Variants in ATG9B observed in about 807,000 individuals in gnomAD.
The protein encoded by ATG9B is autophagy related 9B.
Under a neutral mutation model 92.9 loss-of-function variants are expected in ATG9B, and 92 were observed. That is an observed-to-expected ratio of 0.99 (90% CI 0.84 to 1.18). The LOEUF (loss-of-function observed/expected upper bound fraction) is 1.18. Ranked by LOEUF, ATG9B falls within the 50% of genes most tolerant of loss-of-function variation. ATG9B has a pLI of 0.00. For missense variants in ATG9B, 1,344 were observed against 1,235.0 expected, an observed-to-expected ratio of 1.09 and a Z score of -1.32; for synonymous variants, 599 against 551.4, an observed-to-expected ratio of 1.09 and a Z score of -1.21.
At position 151,024,363 on chromosome 7, in the gene ATG9B, C is replaced by A; in HGVS notation, c.61G>T (p.Gly21Trp). Residue 21 changes from glycine to tryptophan, a missense_variant, in exon 1 of 14, where the codon GGG becomes TGG. By Grantham distance (184) the Gly-to-Trp change is radical. Transcript: ENST00000639579. Reference protein sequence around the residue: ...RRRLGRWGDLGPGSVPLLPMP... With the variant: ...RRRLGRWGDLWPGSVPLLPMP... ...GGGAGGAGGGGCACCGATCCGGGCC[C>A]CAGATCTCCCCACCGCCCCAGCCGC... 7.2e-7 allele frequency: 1 copy of A among 1,390,032 alleles called. No individual in the cohort carries two copies. The highest frequency in any genetic ancestry group is 9.4e-7 in the Non-Finnish European group (1 of 1,067,324). The allele number at this position is 1,390,032 out of a possible 1,614,324, so 86.1% of individuals were successfully genotyped here.
chr7:151,013,694 A>G (rs1355553532), downstream of ATG9B: 1 of 929,126 alleles, frequency 1.1e-6, no homozygotes, highest in Non-Finnish European at 1.6e-6. Flanking sequence ...CACCCCCACC[A>G]GGGCCCGCCC....
chr7:151,016,356 T>C lies in ATG9B; in HGVS notation c.2520+75A>G, dbSNP rs562587249. 6 of 1,520,298 alleles carry C rather than the reference T, an allele frequency of 3.9e-6. No homozygotes were observed. In the South Asian group the frequency reaches 7.5e-5, roughly 19 times the overall value. 94.2% of individuals were successfully genotyped at this position (1,520,298 alleles called of 1,614,324 possible). On this transcript the variant is annotated intron_variant, in intron 11 of 13. Coordinates refer to ENST00000639579, the MANE Select transcript of ATG9B (RefSeq NM_001317056.2). ...CACTCTGCTAGACCCTTCCGTAGAC[T>C]CCACCCCACCTCAGTCTCCATGTTG...
chr7:151,014,176 CCTGGCTTT>C (rs1795387603), downstream of ATG9B: 3 of 1,592,524 alleles, frequency 1.9e-6, no homozygotes, highest in South Asian at 2.2e-5. Flanking sequence ...CTGAGAGCCG[CCTGGCTTT>C]CCCTTCCAGT....
Position 151,018,299 on chromosome 7 carries a change from G to C in ATG9B, c.1867C>G (p.Arg623Gly). The change falls in exon 7 of 14, where the codon CGA (arginine) becomes GGA (glycine). Residue 623 changes from arginine (R) to glycine (G), a missense_variant. Physicochemically the swap from Arg to Gly is moderately radical, Grantham distance 125. Coordinates refer to ENST00000639579, the MANE Select transcript of ATG9B (RefSeq NM_001317056.2). The surrounding 1 kb of genome is among the most constrained non-coding windows in gnomAD (Gnocchi z 4.7). ...GCCGTCGCGCCCACCCTCACCGCTC[G>C]GTACTGCAGCAGCTGCGCCATCTGC... ...YRQMAQLLQY[R>G]AVSLLEELLS... is the part of the protein sequence containing the mutation. 6.4e-7 allele frequency: 1 copy of C among 1,554,482 alleles called. No homozygotes were observed. The highest frequency in any genetic ancestry group is 8.6e-7 in the Non-Finnish European group (1 of 1,159,090).
intron 4 of ATG9B, among the ~76,000 whole-genome samples, chr7:151,022,713 A>G (rs1202873704): frequency 6.6e-6 from 1 of 151,786 alleles, no homozygotes; most frequent in African/African-American, 2.4e-5. Flanking sequence ...GTGCACGCCT[A>G]TAATCCCAGC....
At chr7:151,016,976 A>C in intron 9 of ATG9B, 60 bp downstream of exon 9, 1 of 1,523,982 alleles carries the variant, frequency 6.6e-7, no homozygotes, top group Non-Finnish European at 8.9e-7. Context: ...CTAGAGGGGA[A>C]GGGTTTGGAG....
At chr7:151,017,811 C>T (rs1795563074) in intron 8 of ATG9B, 60 bp downstream of exon 8, 4 of 1,491,846 alleles carry the variant, frequency 2.7e-6, no homozygotes, top group Non-Finnish European at 3.6e-6. Context: ...AGGTCTGCTC[C>T]CGAGAGGCAA....
At chr7:151,012,375 C>T (rs745904496), downstream of ATG9B, 17 of 1,581,040 alleles carry the variant, frequency 1.1e-5, no homozygotes, top group Non-Finnish European at 1.4e-5. Flanking sequence ...GGCTGCCACC[C>T]GATCCCAGCT....
In ATG9B at chr7:151,018,224, C is replaced by T; in HGVS notation, c.1872+70G>A. The stretch of plus-strand genomic sequence containing the variant: ...TGCCCTCTCCCAGACAGACCCTCCG[C>T]GCAGACAGACCCTCCGCGCAGACAG... On this transcript the variant is annotated intron_variant, in intron 7 of 13. Transcript: ENST00000639579. This position sits in a 1 kb window ranked among gnomAD's most constrained non-coding sequence, Gnocchi z 4.7. The T allele has an allele frequency of 2.0e-6, 3 of 1,488,056 alleles. No homozygotes were observed. In the South Asian group the frequency reaches 4.0e-5, roughly 20 times the overall value. The allele number at this position is 1,488,056 out of a possible 1,614,324, so 92.2% of individuals were successfully genotyped here.
chr7:151,016,183 A>G lies in ATG9B; in HGVS notation c.2573T>C (p.Ile858Thr), dbSNP rs1316292188. ...QEPWGEAAAS[I>T]LSRPCSSPSQ... The stretch of plus-strand genomic sequence containing the variant: ...GGGGCTGGAGCAGGGCCTGGACAGG[A>G]TGGAGGCTGCAGCCTCACCCCACGG... The change falls in exon 12 of 14, where the codon ATC becomes ACC. Residue 858 changes from isoleucine (I) to threonine (T), a missense_variant. Physicochemically the swap from Ile to Thr is moderately conservative, Grantham distance 89. Coordinates refer to ENST00000639579, the MANE Select transcript of ATG9B (RefSeq NM_001317056.2). 2 of 1,527,908 alleles carry G rather than the reference A, an allele frequency of 1.3e-6. No homozygotes were observed. Among genetic ancestry groups the G allele is most frequent in the African/African-American group, 1.4e-5 (1 of 72,436 alleles). The allele number at this position is 1,527,908 out of a possible 1,614,324, so 94.6% of individuals were successfully genotyped here.
Position 151,018,002 on chromosome 7 carries a change from G to A in ATG9B, c.1921C>T (p.Leu641=). The part of the protein sequence containing the change: ...LLSPLLTPLF[L]LFWFRPRALE... ...GCACGAGGGCGGAACCAGAAAAGCA[G>A]AAACAGCGGGGTGAGGAGCGGGGAC... is the stretch of plus-strand genomic sequence containing the variant. The change falls in exon 8 of 14, where the codon CTG becomes TTG. Residue 641 remains leucine (L), a synonymous_variant. Coordinates refer to ENST00000639579, the MANE Select transcript of ATG9B (RefSeq NM_001317056.2). The surrounding 1 kb of genome is among the most constrained non-coding windows in gnomAD (Gnocchi z 4.7). 1 of 1,603,268 alleles carries A rather than the reference G, an allele frequency of 6.2e-7. No individual in the cohort carries two copies. The highest frequency in any genetic ancestry group is 8.5e-7 in the Non-Finnish European group (1 of 1,174,578).
Position 151,016,701 on chromosome 7 carries a change from C to A in ATG9B, c.2410G>T (p.Ala804Ser), listed in dbSNP as rs757612907. The A allele has an allele frequency of 1.3e-5, 20 of 1,598,102 alleles. No individual in the cohort carries two copies. The highest frequency in any genetic ancestry group is 1.7e-5 in the Non-Finnish European group (20 of 1,171,232). ...ASLLASISRI[A>S]QDPSSVSPGG... ...TCCACTCCTCACCTGGGGTCCTGGG[C>A]AATTCGGGAAATGGAGGCAAGGAGG... is the stretch of plus-strand genomic sequence containing the variant. Residue 804 changes from alanine (A) to serine (S), a missense_variant, in exon 10 of 14, where the codon GCC (alanine) becomes TCC (serine). By Grantham distance (99) the Ala-to-Ser change is moderately conservative (BLOSUM62 1). Coordinates refer to ENST00000639579, the MANE Select transcript of ATG9B (RefSeq NM_001317056.2).
intron 5 of ATG9B, 146 bp from the exon 6 acceptor site, chr7:151,019,520 C>G: frequency 8.9e-7 from 1 of 1,119,144 alleles, no homozygotes; most frequent in Non-Finnish European, 1.2e-6. Flanking sequence ...CATCGTCCCC[C>G]TCTCCCACCT....
chr7:151,015,859 C>A, intron 13 of ATG9B, 23 bp downstream of exon 13: 2 of 1,537,998 alleles, frequency 1.3e-6, no homozygotes, highest in Non-Finnish European at 1.8e-6. Flanking sequence ...TTTCTCCCTC[C>A]CCTCACAGGA....
rs906860990 is a variant in ATG9B at position 151,017,445 on chromosome 7, G to A, written c.2053-173C>T. The stretch of plus-strand genomic sequence containing the variant: ...CAGAACCTGGGCCTGTCATCTATTC[G>A]TCACCCCTGGACTGATTGCCAGCTC... On this transcript the variant is annotated intron_variant, in intron 8 of 13. Coordinates refer to ENST00000639579, the MANE Select transcript of ATG9B (RefSeq NM_001317056.2). 2.0e-4 allele frequency among the ~76,000 whole-genome samples: 31 copies of A among 152,118 alleles called. 1 individual carries two copies. Among genetic ancestry groups the A allele is most frequent in the African/African-American group, 6.3e-4 (26 of 41,406 alleles).
At chr7:151,012,790 G>A (rs917333045), downstream of ATG9B, 6 of 340,916 alleles carry the variant, frequency 1.8e-5, no homozygotes, top group Middle Eastern at 8.3e-4. Flanking sequence ...AGAGCTGACC[G>A]AGGTCTGTCC....
chr7:151,019,473 C>A (rs1022122997), intron 5 of ATG9B, 99 bp from the exon 6 acceptor site: 3 of 1,434,118 alleles, frequency 2.1e-6, no homozygotes, highest in East Asian at 5.1e-5. Flanking sequence ...AACCCGCAAA[C>A]TGAGTTTGCG....
Position 151,023,712 on chromosome 7 carries a change from T to C in ATG9B, c.569A>G (p.Gln190Arg). Residue 190 changes from glutamine to arginine, a missense_variant, in exon 2 of 14, where the codon CAG (glutamine) becomes CGG (arginine). By Grantham distance (43) the Gln-to-Arg change is conservative. Coordinates refer to ENST00000639579, the MANE Select transcript of ATG9B (RefSeq NM_001317056.2). Reference sequence around the variant, plus strand: ...CTTGGTGAAGAAACTGTCCAGGTTCTGGATGTGATGCCAGGAGCCTGGGCA... The same window carrying C: ...CTTGGTGAAGAAACTGTCCAGGTTCCGGATGTGATGCCAGGAGCCTGGGCA... ...EGLRGSWHHIQNLDSFFTKIY... is the reference protein window; with the variant it reads ...EGLRGSWHHIRNLDSFFTKIY... 6.2e-7 allele frequency: 1 copy of C among 1,614,084 alleles called. No homozygotes were observed. Among genetic ancestry groups the C allele is most frequent in the Non-Finnish European group, 8.5e-7 (1 of 1,180,028 alleles).
At position 151,021,258 on chromosome 7, in the gene ATG9B, C is replaced by T. The variant is rs773003132; in HGVS notation, c.893G>A (p.Arg298His). Residue 298 changes from arginine (R) to histidine (H), a missense_variant, in exon 5 of 14, where the codon CGC becomes CAC. Transcript: ENST00000639579. ...GTAGCTGAAGAGGTTGCAGACTGAG[C>T]GAAGCAGTTGGACCAGCCAGAAGCC... ...AAGFWLVQLL[R>H]SVCNLFSYWD... 6.8e-6 allele frequency: 11 copies of T among 1,613,326 alleles called. No homozygotes were observed. Among genetic ancestry groups the T allele is most frequent in the Middle Eastern group, 1.6e-4 (1 of 6,076 alleles).
Sources: gnomAD v4.1 joint callset for allele counts (sites outside exome capture counted in the v4.1 genomes callset) on GRCh38, gnomAD v4.1.1 for gene constraint, Gnocchi (gnomAD v3.1) non-coding constraint, MANE v1.5 for transcripts, NCBI Gene and HGNC (gene_info 2026-07-23, HGNC 2026-07-21) for gene names.